MYT1L: variants seen among roughly 807,000 people sequenced by gnomAD.
MYT1L encodes the protein myelin transcription factor 1 like.
MYT1L carries 12 observed loss-of-function variants against 126.7 expected under a neutral mutation model. The observed-to-expected ratio is 0.09, with a 90% CI of 0.06 to 0.15. MYT1L has a LOEUF of 0.15. Among genes scored for constraint, MYT1L ranks in the 10% least tolerant of loss-of-function variants. The pLI is 1.00. For synonymous variants in MYT1L, 541 were observed against 604.2 expected (o/e 0.90, Z 1.53); for missense variants, 979 against 1,585.2 (o/e 0.62, Z 6.49).
In MYT1L at chr2:1,991,648, C is replaced by T. The variant is rs571351824; in HGVS notation, c.-1+5543G>A. Among the ~76,000 whole-genome samples the T allele has an allele frequency of 4.1e-4, 63 of 152,184 alleles. 2 individuals are homozygous for T. In the South Asian group the frequency reaches 0.012, roughly 28 times the overall value. On this transcript the variant is annotated intron_variant, in intron 5 of 24. Coordinates refer to ENST00000647738, the MANE Select transcript of MYT1L (RefSeq NM_001303052.2). ...CATCCTTCTTTCCAGTGTGTCTGTC[C>T]ATCCCTCTCGCCTGGTTCGCCTCCT...
In MYT1L at chr2:1,852,482, CT is replaced by C. The variant is rs552223741; in HGVS notation, c.2712-780del. On this transcript the variant is annotated intron_variant, in intron 18 of 24. Coordinates refer to ENST00000647738, the MANE Select transcript of MYT1L (RefSeq NM_001303052.2). This position sits in a 1 kb window ranked among gnomAD's most constrained non-coding sequence, Gnocchi z 4.0. ...GTCTTGCTATTTCTCTAATCAGAGA[CT>C]TTTTTTAAGAAAAAGAGCTTTATAA... Among the ~76,000 whole-genome samples the C allele has an allele frequency of 2.6e-5, 4 of 152,164 alleles. No individual in the cohort carries two copies. Among genetic ancestry groups the C allele is most frequent in the East Asian group, 1.9e-4 (1 of 5,170 alleles).
At chr2:1,849,380 T>C (rs2042923302) in intron 19 of MYT1L, among the ~76,000 whole-genome samples, 1 of 152,176 alleles carries the variant, frequency 6.6e-6, no homozygotes, top group African/African-American at 2.4e-5. Context: ...AGTGATTTAA[T>C]TCTGGCAATC....
At chr2:1,926,702 G>T (rs1169641079) in intron 9 of MYT1L, among the ~76,000 whole-genome samples, 1 of 152,188 alleles carries the variant, frequency 6.6e-6, no homozygotes, top group Non-Finnish European at 1.5e-5. Flanking sequence ...AGCTGGGACT[G>T]CAGGTGTGCA....
intron 4 of MYT1L, among the ~76,000 whole-genome samples, chr2:2,011,450 T>C (rs937930069): frequency 2.0e-5 from 3 of 150,684 alleles, no homozygotes; most frequent in African/African-American, 4.9e-5. Context: ...ACTGTAACTA[T>C]ACAACTCTCA....
At chr2:1,884,717 T>C (rs186117770) in intron 18 of MYT1L, among the ~76,000 whole-genome samples, 2 of 152,352 alleles carry the variant, frequency 1.3e-5, no homozygotes, top group East Asian at 3.9e-4. Flanking sequence ...TAGACACATG[T>C]GTGGCTTTTC....
At chr2:1,813,941 G>A (rs1284978628) in intron 21 of MYT1L, among the ~76,000 whole-genome samples, 2 of 134,014 alleles carry the variant, frequency 1.5e-5, no homozygotes. Flanking sequence ...GCAGGAGAAT[G>A]GCGCGAACCC....
chr2:2,116,240 AC>A (rs1375724076), intron 3 of MYT1L, among the ~76,000 whole-genome samples: 1 of 152,218 alleles, frequency 6.6e-6, no homozygotes, highest in Admixed American at 6.5e-5. Context: ...CTGGAAGCTC[AC>A]GGGTCTCCTG....
chr2:1,892,270 C>T lies in MYT1L; in HGVS notation c.2050G>A (p.Asp684Asn). 1 of 1,548,836 alleles carries T rather than the reference C, an allele frequency of 6.5e-7. No homozygotes were observed. Among genetic ancestry groups the T allele is most frequent in the Non-Finnish European group, 8.7e-7 (1 of 1,146,282 alleles). Residue 684 changes from aspartate (D) to asparagine (N), a missense_variant, in exon 15 of 25, where the codon GAC (aspartate) becomes AAC (asparagine). Transcript: ENST00000647738. The stretch of plus-strand genomic sequence containing the variant: ...GTGCTGCTGCTGCTGGGGCTGGGGT[C>T]CTTGCAGTACCGCTTCGCTGGGGAG... ...GYDDAKRYCK[D>N]PSPSSSSTSS... is the part of the protein sequence containing the mutation.
chr2:2,039,719 T>C (rs1375059359), intron 4 of MYT1L, among the ~76,000 whole-genome samples: 4 of 152,174 alleles, frequency 2.6e-5, no homozygotes, highest in Non-Finnish European at 4.4e-5. Context: ...CATTTGGGCA[T>C]AGAAGTTGAG....
chr2:2,161,647 AACAAAG>A (rs1469355430), intron 3 of MYT1L, among the ~76,000 whole-genome samples: 1 of 152,200 alleles, frequency 6.6e-6, no homozygotes, highest in Non-Finnish European at 1.5e-5. Flanking sequence ...TAAATGAAGA[AACAAAG>A]ACAAAGAACC....
intron 9 of MYT1L, among the ~76,000 whole-genome samples, chr2:1,935,436 T>C (rs11694545): frequency 0.46 from 70,055 of 151,950 alleles, 18,108 homozygotes; most frequent in African/African-American, 0.7. Flanking sequence ...GGGTCATGGA[T>C]GTTAGGTTCA....
Position 1,889,595 on chromosome 2 carries a change from C to T in MYT1L, c.2284-118G>A, listed in dbSNP as rs555553605. On this transcript the variant is annotated intron_variant, in intron 15 of 24. Coordinates refer to ENST00000647738, the MANE Select transcript of MYT1L (RefSeq NM_001303052.2). The surrounding 1 kb of genome is among the most constrained non-coding windows in gnomAD (Gnocchi z 4.1). Reference sequence around the variant, plus strand: ...GTGTAGCGTTCAACACAGAATCCCTCGCTGCTGTTTCCTTGGCCTAAACTC... The same window carrying T: ...GTGTAGCGTTCAACACAGAATCCCTTGCTGCTGTTTCCTTGGCCTAAACTC... The T allele has an allele frequency of 6.6e-5, 49 of 739,602 alleles. 1 individual carries two copies. In the East Asian group the frequency reaches 8.5e-4, roughly 13 times the overall value. 45.8% of individuals were successfully genotyped at this position (739,602 alleles called of 1,614,324 possible).
chr2:2,143,118 G>A (rs562970969), intron 3 of MYT1L, among the ~76,000 whole-genome samples: 19 of 151,268 alleles, frequency 1.3e-4, no homozygotes, highest in African/African-American at 3.9e-4. Context: ...GTGAAACCCC[G>A]TCCCTACTAA....
intron 21 of MYT1L, among the ~76,000 whole-genome samples, chr2:1,828,885 C>T (rs989619827): frequency 1.3e-5 from 2 of 152,192 alleles, no homozygotes; most frequent in African/African-American, 2.4e-5. Context: ...GGACGAGACT[C>T]TTAAGATATG....
chr2:2,033,640 G>T (rs552124881), intron 4 of MYT1L, among the ~76,000 whole-genome samples: 1 of 152,286 alleles, frequency 6.6e-6, no homozygotes, highest in East Asian at 1.9e-4. Flanking sequence ...GTTTCACCTT[G>T]CTCACGAAAT....
At chr2:2,110,271 A>G (rs1219031883) in intron 3 of MYT1L, among the ~76,000 whole-genome samples, 1 of 152,068 alleles carries the variant, frequency 6.6e-6, no homozygotes, top group African/African-American at 2.4e-5. Flanking sequence ...CTACTATAAT[A>G]TAATATAGAA....
At position 1,806,504 on chromosome 2, in the gene MYT1L, A is replaced by G. The variant is rs73182890; in HGVS notation, c.3172+2572T>C. Among the ~76,000 whole-genome samples, 13,291 of 152,226 alleles carry G rather than the reference A, an allele frequency of 0.087. 662 individuals are homozygous for G. Among genetic ancestry groups the G allele is most frequent in the South Asian group, 0.16 (756 of 4,826 alleles). ...CCCGGCTGCTTTCTGGTGGGATGAC[A>G]CCCAGTTGTTGGTTCCTCTAGTTTA... is the stretch of plus-strand genomic sequence containing the variant. On this transcript the variant is annotated intron_variant, in intron 22 of 24. Transcript: ENST00000647738. The surrounding 1 kb of genome is among the most constrained non-coding windows in gnomAD (Gnocchi z 4.9).
At chr2:2,253,319 G>A (rs2094708640) in intron 2 of MYT1L, among the ~76,000 whole-genome samples, 1 of 152,192 alleles carries the variant, frequency 6.6e-6, no homozygotes, top group African/African-American at 2.4e-5. Flanking sequence ...ACTTCGCCTT[G>A]AAGGTGCTGA....
intron 14 of MYT1L, among the ~76,000 whole-genome samples, chr2:1,899,112 C>T (rs934498633): frequency 6.7e-6 from 1 of 148,208 alleles, no homozygotes; most frequent in African/African-American, 2.5e-5. Context: ...GGGTGTGTTG[C>T]CTGGAGACAC....
Sources: gnomAD v4.1 joint callset for allele counts (sites outside exome capture counted in the v4.1 genomes callset) on GRCh38, gnomAD v4.1.1 for gene constraint, Gnocchi (gnomAD v3.1) non-coding constraint, MANE v1.5 for transcripts, NCBI Gene and HGNC (gene_info 2026-07-23, HGNC 2026-07-21) for gene names.